The following TDRD3 variants were observed in gnomAD, a reference collection of about 807,000 sequenced individuals.
The protein encoded by TDRD3 is tudor domain containing 3.
In TDRD3, 45 loss-of-function variants were observed where a neutral mutation model predicts 86.7. The observed-to-expected ratio is 0.52, with a 90% CI of 0.41 to 0.67. The LOEUF (loss-of-function observed/expected upper bound fraction) is 0.67. Among genes scored for constraint, TDRD3 ranks in the 30% least tolerant of loss-of-function variants. The pLI is 0.00. For missense variants in TDRD3, 814 were observed against 889.0 expected (o/e 0.92, Z 1.07); for synonymous variants, 298 against 301.7 (o/e 0.99, Z 0.13).
At chr13:60,573,283 G>A (rs1958629820) in intron 13 of TDRD3, among the ~76,000 whole-genome samples, 1 of 152,120 alleles carries the variant, frequency 6.6e-6, no homozygotes, top group Non-Finnish European at 1.5e-5. Flanking sequence ...TTGGCAGACT[G>A]CATCTGTTTT....
chr13:60,542,986 G>A (rs969026103), intron 12 of TDRD3, among the ~76,000 whole-genome samples: 1 of 152,054 alleles, frequency 6.6e-6, no homozygotes, highest in Non-Finnish European at 1.5e-5. Context: ...GAGTTGTTCT[G>A]TTTCCCTGTG....
chr13:60,427,270 G>A (rs1029950808), intron 1 of TDRD3, among the ~76,000 whole-genome samples: 1 of 152,106 alleles, frequency 6.6e-6, no homozygotes, highest in African/African-American at 2.4e-5. Flanking sequence ...TCTTCAGAAT[G>A]TGTTCCATTT....
intron 1 of TDRD3, among the ~76,000 whole-genome samples, chr13:60,421,404 T>G (rs1342926322): frequency 6.6e-6 from 1 of 152,192 alleles, no homozygotes; most frequent in Non-Finnish European, 1.5e-5. Flanking sequence ...CCTTCTTGAT[T>G]CAATTACTTC....
At chr13:60,508,246 T>C (rs1045001814) in intron 8 of TDRD3, among the ~76,000 whole-genome samples, 4 of 152,194 alleles carry the variant, frequency 2.6e-5, no homozygotes, top group Non-Finnish European at 4.4e-5. Context: ...ATTGGTTTTC[T>C]TCACAGAATT....
chr13:60,509,302 T>G (rs896580209), intron 8 of TDRD3, among the ~76,000 whole-genome samples: 8 of 148,326 alleles, frequency 5.4e-5, no homozygotes, highest in Non-Finnish European at 9.1e-5. Flanking sequence ...AATACTCAAG[T>G]ACTAGTTTAA....
chr13:60,525,566 A>T (rs1957409824), intron 10 of TDRD3, among the ~76,000 whole-genome samples: 1 of 152,200 alleles, frequency 6.6e-6, no homozygotes, highest in Non-Finnish European at 1.5e-5. Context: ...TATGTTCATT[A>T]TTAACAAAAT....
chr13:60,428,149 ACT>A (rs1954857111), intron 1 of TDRD3, among the ~76,000 whole-genome samples: 2 of 149,214 alleles, frequency 1.3e-5, no homozygotes, highest in Admixed American at 1.3e-4. Context: ...GTGTCACTTT[ACT>A]CTGTGTGTTT....
chr13:60,457,841 T>C (rs1955715304), intron 3 of TDRD3, among the ~76,000 whole-genome samples: 1 of 152,202 alleles, frequency 6.6e-6, no homozygotes. Context: ...ATTTCTGCCT[T>C]CATTTTCAAA....
At chr13:60,487,551 G>A (rs1956472340) in intron 7 of TDRD3, among the ~76,000 whole-genome samples, 1 of 152,152 alleles carries the variant, frequency 6.6e-6, no homozygotes, top group African/African-American at 2.4e-5. Context: ...ATCATTTTAT[G>A]TAAGCGACTT....
intron 1 of TDRD3, among the ~76,000 whole-genome samples, chr13:60,412,506 T>C (rs1187336938): frequency 6.6e-6 from 1 of 152,202 alleles, no homozygotes; most frequent in Non-Finnish European, 1.5e-5. Context: ...CTGTATTTGC[T>C]TATAAAAAGG....
At chr13:60,524,845 T>C (rs1027819292) in intron 10 of TDRD3, among the ~76,000 whole-genome samples, 25 of 151,790 alleles carry the variant, frequency 1.6e-4, no homozygotes, top group Non-Finnish European at 3.1e-4. Context: ...ACACCTGTAA[T>C]CCGAGCACTT....
intron 13 of TDRD3, among the ~76,000 whole-genome samples, chr13:60,573,234 A>G (rs955283534): frequency 1.3e-5 from 2 of 152,212 alleles, no homozygotes; most frequent in African/African-American, 4.8e-5. Flanking sequence ...CGTTCACAGA[A>G]GAACTGGAGG....
At chr13:60,555,120 G>T (rs1299893971) in intron 12 of TDRD3, among the ~76,000 whole-genome samples, 2 of 152,088 alleles carry the variant, frequency 1.3e-5, no homozygotes, top group Non-Finnish European at 2.9e-5. Flanking sequence ...GACTGAGAAG[G>T]TTTTCTAAGC....
intron 8 of TDRD3, among the ~76,000 whole-genome samples, chr13:60,495,882 T>G (rs913093982): frequency 6.6e-6 from 1 of 152,096 alleles, no homozygotes; most frequent in African/African-American, 2.4e-5. Context: ...GCTGCATAAC[T>G]CTTAAACCAT....
At chr13:60,450,607 T>C (rs1306562732) in intron 3 of TDRD3, among the ~76,000 whole-genome samples, 1 of 152,202 alleles carries the variant, frequency 6.6e-6, no homozygotes, top group Non-Finnish European at 1.5e-5. Flanking sequence ...AAGTGCTAAG[T>C]AAATTATAGT....
intron 6 of TDRD3, chr13:60,484,844 T>C (rs1181472541): frequency 5.6e-5 from 19 of 336,604 alleles, no homozygotes; most frequent in Non-Finnish European, 1.1e-4. Flanking sequence ...TAATAGTATA[T>C]TTGTAAAAAT....
intron 1 of TDRD3, among the ~76,000 whole-genome samples, chr13:60,401,987 C>T (rs572625830): frequency 6.6e-6 from 1 of 152,286 alleles, no homozygotes; most frequent in South Asian, 2.1e-4. Context: ...GATTATTGCA[C>T]TCTTGTATTC....
intron 1 of TDRD3, among the ~76,000 whole-genome samples, chr13:60,421,637 C>T (rs1954662478): frequency 6.6e-6 from 1 of 152,168 alleles, no homozygotes; most frequent in Admixed American, 6.5e-5. Flanking sequence ...GACTTCACAC[C>T]TAAGCAAAAT....
chr13:60,454,836 C>T (rs1033316688), intron 3 of TDRD3, among the ~76,000 whole-genome samples: 13 of 151,724 alleles, frequency 8.6e-5, no homozygotes, highest in African/African-American at 2.9e-4. Context: ...TGATACCATA[C>T]GTAGAATGGT....
Sources: allele counts gnomAD v4.1 joint callset (sites outside exome capture counted in the v4.1 genomes callset), GRCh38; gene constraint gnomAD v4.1.1; transcripts MANE v1.5; gene names NCBI Gene and HGNC (gene_info 2026-07-23, HGNC 2026-07-21).